Variants in CSMD2 observed in about 807,000 individuals in gnomAD.
CSMD2 encodes CUB and Sushi multiple domains 2.
CSMD2 carries 130 observed loss-of-function variants against 398.5 expected under a neutral mutation model. The ratio of observed to expected loss-of-function variants is 0.33; its 90% CI spans 0.28 to 0.38. CSMD2 has a LOEUF of 0.38. Among genes scored for constraint, CSMD2 ranks in the 10% least tolerant of loss-of-function variants. CSMD2 has a pLI of 1.00. For missense variants in CSMD2, 3,829 were observed against 4,764.9 expected (o/e 0.80, Z 5.78); for synonymous variants, 1,828 against 1,908.5 (o/e 0.96, Z 1.10).
At chr1:33,759,104 C>T (rs948561748) in intron 13 of CSMD2, among the ~76,000 whole-genome samples, 4 of 152,088 alleles carry the variant, frequency 2.6e-5, no homozygotes, top group African/African-American at 9.7e-5. Context: ...TGACATCGCT[C>T]TTCTGGATAA....
chr1:34,005,230 A>T (rs973143069), intron 3 of CSMD2, among the ~76,000 whole-genome samples: 4 of 152,202 alleles, frequency 2.6e-5, no homozygotes, highest in African/African-American at 7.2e-5. Flanking sequence ...AGGCAGAGGG[A>T]GAGTGAAAGA....
chr1:34,000,195 T>G (rs1390316716), intron 3 of CSMD2, among the ~76,000 whole-genome samples: 3 of 152,146 alleles, frequency 2.0e-5, no homozygotes, highest in Non-Finnish European at 2.9e-5. Flanking sequence ...ATCTCAGTCC[T>G]CAAAAGGACT....
At chr1:34,136,978 C>G (rs1272280238) in intron 1 of CSMD2, among the ~76,000 whole-genome samples, 1 of 152,182 alleles carries the variant, frequency 6.6e-6, no homozygotes, top group Non-Finnish European at 1.5e-5. Flanking sequence ...TTGATCCCAT[C>G]TAGCCCATCT....
chr1:34,066,397 C>T (rs1251754844), intron 2 of CSMD2, among the ~76,000 whole-genome samples: 1 of 152,194 alleles, frequency 6.6e-6, no homozygotes, highest in Non-Finnish European at 1.5e-5. Flanking sequence ...GGAATTTCCT[C>T]TCCCTCAGCG....
intron 1 of CSMD2, among the ~76,000 whole-genome samples, chr1:34,107,834 AG>A (rs1307990001): frequency 4.6e-5 from 7 of 152,334 alleles, no homozygotes; most frequent in South Asian, 2.1e-4. Context: ...AGTGGCAGAA[AG>A]GGGACCACAT....
chr1:34,073,473 G>A (rs1230963023), intron 2 of CSMD2, among the ~76,000 whole-genome samples: 1 of 152,162 alleles, frequency 6.6e-6, no homozygotes, highest in African/African-American at 2.4e-5. Flanking sequence ...AAAGAAATTG[G>A]ACACACACCA....
chr1:34,001,067 A>G (rs888606899), intron 3 of CSMD2, among the ~76,000 whole-genome samples: 1 of 88,608 alleles, frequency 1.1e-5, no homozygotes, highest in Middle Eastern at 6.8e-3. Flanking sequence ...GGGAGAGAAA[A>G]GAGGAGGAAA....
intron 1 of CSMD2, among the ~76,000 whole-genome samples, chr1:34,120,332 T>C (rs1050514506): frequency 6.6e-6 from 1 of 152,224 alleles, no homozygotes; most frequent in African/African-American, 2.4e-5. Context: ...TGTAGCGTTG[T>C]TGCAGTTTTG....
chr1:33,874,939 T>A (rs1640734412), intron 5 of CSMD2, among the ~76,000 whole-genome samples: 1 of 152,222 alleles, frequency 6.6e-6, no homozygotes, highest in Admixed American at 6.5e-5. Flanking sequence ...ACATTTGTGA[T>A]GAAGAATCTG....
intron 64 of CSMD2, among the ~76,000 whole-genome samples, chr1:33,527,975 G>A (rs114208972): frequency 0.017 from 2,561 of 147,042 alleles, 81 homozygotes; most frequent in African/African-American, 0.058. Flanking sequence ...TCCTGCCCTC[G>A]ACTTTGCTTT....
chr1:33,684,126 A>C (rs1644990643), intron 25 of CSMD2, among the ~76,000 whole-genome samples: 1 of 152,168 alleles, frequency 6.6e-6, no homozygotes, highest in Admixed American at 6.5e-5. Context: ...ACAGCAAGGG[A>C]ATCCAGGCTT....
chr1:34,098,497 T>C (rs1217834318), intron 1 of CSMD2, among the ~76,000 whole-genome samples: 3 of 149,920 alleles, frequency 2.0e-5, no homozygotes, highest in African/African-American at 7.3e-5. Flanking sequence ...TTAGAGAAGA[T>C]AGTAAATTTA....
intron 3 of CSMD2, among the ~76,000 whole-genome samples, chr1:34,031,771 A>AAC (rs1335346086): frequency 6.6e-6 from 1 of 150,578 alleles, no homozygotes; most frequent in Non-Finnish European, 1.5e-5. Context: ...AAGGCAAAAA[A>AAC]AAAAAAAAAA....
intron 5 of CSMD2, among the ~76,000 whole-genome samples, chr1:33,889,970 T>A (rs1570409690): frequency 6.6e-6 from 1 of 151,994 alleles, no homozygotes; most frequent in Admixed American, 6.6e-5. Flanking sequence ...AAAGTGGGTA[T>A]ATACTTAAAC....
intron 5 of CSMD2, among the ~76,000 whole-genome samples, chr1:33,883,798 T>TAGA (rs1287837045): frequency 6.6e-6 from 1 of 152,206 alleles, no homozygotes; most frequent in African/African-American, 2.4e-5. Flanking sequence ...CACTCTCAGA[T>TAGA]AGAAGCCTTC....
chr1:33,621,930 C>T (rs375447293), intron 37 of CSMD2, among the ~76,000 whole-genome samples: 16 of 152,184 alleles, frequency 1.1e-4, no homozygotes, highest in African/African-American at 3.9e-4. Flanking sequence ...CCTTCCCATT[C>T]CTGGTGTGGA....
Position 33,981,351 on chromosome 1 carries a change from C to T in CSMD2, c.518-45397G>A, listed in dbSNP as rs1257652743. ...GCTTCCACCCTCAGCTCTGTATAGT[C>T]CCTTCCAGCTGTGTGCAGTTGCCAT... On this transcript the variant is annotated intron_variant, in intron 3 of 70. Transcript: ENST00000373381. 2.6e-5 allele frequency among the ~76,000 whole-genome samples: 4 copies of T among 152,192 alleles called. No individual in the cohort carries two copies. The East Asian group carries it at 7.7e-4, about 29-fold the overall frequency.
chr1:33,798,099 T>C (rs1655163928), intron 10 of CSMD2, among the ~76,000 whole-genome samples: 1 of 152,222 alleles, frequency 6.6e-6, no homozygotes, highest in African/African-American at 2.4e-5. Flanking sequence ...GTTTCTTTTT[T>C]TCCTTCTCTG....
Position 33,600,983 on chromosome 1 carries a change from C to A in CSMD2, c.6738G>T (p.Arg2246=), listed in dbSNP as rs1317606386. Residue 2246 remains arginine, a synonymous_variant, in exon 44 of 71, where the codon CGG becomes CGT. Transcript: ENST00000373381. ...CCATGCTCCGGGTGAAGACGCCGAG[C>A]CGTGGTGCTGTTTGCTGTGGCCCAT... ...IWDGPQQTAP[R]LGVFTRSMAK... 2 of 1,614,184 alleles carry A rather than the reference C, an allele frequency of 1.2e-6. No individual in the cohort carries two copies. Among genetic ancestry groups the A allele is most frequent in the Admixed American group, 3.3e-5 (2 of 60,028 alleles).
Sources: gnomAD v4.1 joint callset for allele counts (sites outside exome capture counted in the v4.1 genomes callset) on GRCh38, gnomAD v4.1.1 for gene constraint, MANE v1.5 for transcripts, NCBI Gene and HGNC (gene_info 2026-07-23, HGNC 2026-07-21) for gene names.